R3HDM1: variants seen among roughly 807,000 people sequenced by gnomAD.
R3HDM1 encodes the protein R3H domain containing 1.
In R3HDM1, 46 loss-of-function variants were observed where a neutral mutation model predicts 141.1. The observed-to-expected ratio is 0.33, with a 90% CI of 0.26 to 0.42. The LOEUF is 0.42. Among genes scored for constraint, R3HDM1 ranks in the 10% least tolerant of loss-of-function variants. R3HDM1 has a pLI of 1.00. For missense variants in R3HDM1, 1,184 were observed against 1,368.3 expected, an observed-to-expected ratio of 0.87 and a Z score of 2.12; for synonymous variants, 435 against 472.9, an observed-to-expected ratio of 0.92 and a Z score of 1.04.
At chr2:135,643,815 C>T (rs2064073565) in intron 15 of R3HDM1, among the ~76,000 whole-genome samples, 1 of 152,174 alleles carries the variant, frequency 6.6e-6, no homozygotes, top group Non-Finnish European at 1.5e-5. Context: ...TTCACAGGAA[C>T]ACAGATGGAA....
chr2:135,631,865 C>T lies in R3HDM1; in HGVS notation c.562C>T (p.Pro188Ser). Residue 188 changes from proline (P) to serine (S), a missense_variant, in exon 9 of 27, where the codon CCA becomes TCA. By Grantham distance (74) the Pro-to-Ser change is moderately conservative. Transcript: ENST00000683871. The part of the protein sequence containing the change: ...ILDFIGNNES[P>S]RKKFPPMTSY... ...TGGTTTTTCTTGTGCTTCTAGGTCT[C>T]CACGTAAAAAATTCCCCCCAATGAC... is the stretch of plus-strand genomic sequence containing the variant. The T allele has an allele frequency of 6.2e-7, 1 of 1,605,932 alleles. No individual in the cohort carries two copies. The highest frequency in any genetic ancestry group is 8.5e-7 in the Non-Finnish European group (1 of 1,176,650).
chr2:135,669,410 G>A lies in R3HDM1; in HGVS notation c.2153-5922G>A, dbSNP rs565588540. The A allele has an allele frequency of 1.3e-5, 13 of 983,966 alleles. No homozygotes were observed. The African/African-American group carries it at 1.4e-4, about 11-fold the overall frequency. The allele number at this position is 983,966 out of a possible 1,614,324, so 61.0% of individuals were successfully genotyped here. A position where few individuals can be genotyped will look rare whatever the true frequency, so the allele number is the denominator to read the frequency against. ...CAATAAATCTTTAGTTCAAATGAAC[G>A]AAAAGTTTCCTTGTTGATTGACATT... On this transcript the variant is annotated intron_variant, in intron 19 of 26. Coordinates refer to ENST00000683871, the MANE Select transcript of R3HDM1 (RefSeq NM_001378107.1).
At chr2:135,641,087 C>A (rs1233966592) in intron 14 of R3HDM1, among the ~76,000 whole-genome samples, 3 of 152,152 alleles carry the variant, frequency 2.0e-5, no homozygotes, top group Non-Finnish European at 4.4e-5. Context: ...TCATTTATTT[C>A]TTACACTGAA....
chr2:135,618,022 T>A (rs1043251587), intron 5 of R3HDM1, among the ~76,000 whole-genome samples: 2 of 152,200 alleles, frequency 1.3e-5, no homozygotes, highest in African/African-American at 2.4e-5. Context: ...TATGCACTGT[T>A]TTTGAAAAGC....
rs2070004091 is a variant in R3HDM1, at chr2:135,680,163, C to T, written c.2308-10C>T. On this transcript the variant is annotated splice_polypyrimidine_tract_variant and intron_variant, in intron 20 of 26. Transcript: ENST00000683871. ...ACCTTTTTCTCTTGAAATTGTCTTT[C>T]AAATTTTAGGTTTCACTGCCTCAAG... The T allele has an allele frequency of 6.2e-7, 1 of 1,608,824 alleles. No homozygotes were observed. Among genetic ancestry groups the T allele is most frequent in the South Asian group, 1.1e-5 (1 of 90,590 alleles).
intron 18 of R3HDM1, among the ~76,000 whole-genome samples, chr2:135,660,985 G>A (rs566606255): frequency 6.6e-6 from 1 of 152,186 alleles, no homozygotes; most frequent in South Asian, 2.1e-4. Context: ...AGGAAATAGG[G>A]TGAGTCTTTA....
chr2:135,679,893 A>G (rs2069930050), intron 20 of R3HDM1, among the ~76,000 whole-genome samples: 1 of 152,196 alleles, frequency 6.6e-6, no homozygotes, highest in Non-Finnish European at 1.5e-5. Context: ...CAGCCTGACC[A>G]ACATGGTGAA....
At chr2:135,705,851 C>T (rs1342712995) in intron 21 of R3HDM1, among the ~76,000 whole-genome samples, 1 of 152,020 alleles carries the variant, frequency 6.6e-6, no homozygotes, top group African/African-American at 2.4e-5. Context: ...GAAGAAGGAC[C>T]GGGCACAGTG....
intron 21 of R3HDM1, 125 bp from the exon 22 acceptor site, chr2:135,709,308 C>T (rs1179620539): frequency 9.3e-6 from 12 of 1,288,844 alleles, no homozygotes; most frequent in African/African-American, 3.0e-5. Flanking sequence ...CTCCTGACCT[C>T]GTGATCCGCC....
intron 19 of R3HDM1, chr2:135,667,588 A>G (rs1559386782): frequency 8.7e-6 from 8 of 920,870 alleles, no homozygotes; most frequent in African/African-American, 1.8e-5. Flanking sequence ...TTTTAATTCT[A>G]ATATACTAAA....
chr2:135,699,417 T>A (rs1390894278), intron 21 of R3HDM1, among the ~76,000 whole-genome samples: 1 of 152,002 alleles, frequency 6.6e-6, no homozygotes, highest in East Asian at 1.9e-4. Flanking sequence ...AGTTGTAAGG[T>A]CCCCAGGGAG....
At chr2:135,611,707 C>T (rs1381688422) in intron 3 of R3HDM1, among the ~76,000 whole-genome samples, 9 of 151,968 alleles carry the variant, frequency 5.9e-5, no homozygotes, top group African/African-American at 1.9e-4. Flanking sequence ...ACTTATGATA[C>T]ATTTTCCATA....
rs2059710818 is a variant in R3HDM1, at chr2:135,602,625, G to C, written c.-124G>C. 1 of 1,547,596 alleles carries C rather than the reference G, an allele frequency of 6.5e-7. No homozygotes were observed. The highest frequency in any genetic ancestry group is 1.4e-5 in the African/African-American group (1 of 72,944). ...ATGGTTCACTACAGTTGACATCCTG[G>C]CTGACAACTGTGAAAAAGAACCTTG... On this transcript the variant is annotated 5_prime_UTR_variant, in exon 2 of 27. Coordinates refer to ENST00000683871, the MANE Select transcript of R3HDM1 (RefSeq NM_001378107.1).
chr2:135,724,295 G>T lies in R3HDM1; in HGVS notation c.*3G>T. The T allele has an allele frequency of 2.5e-6, 4 of 1,592,584 alleles. No individual in the cohort carries two copies. The highest frequency in any genetic ancestry group is 3.4e-6 in the Non-Finnish European group (4 of 1,164,282). On this transcript the variant is annotated 3_prime_UTR_variant, in exon 27 of 27. Coordinates refer to ENST00000683871, the MANE Select transcript of R3HDM1 (RefSeq NM_001378107.1). Reference sequence around the variant, plus strand: ...TGGAAAGGGCAAGTTCTCAGTAACAGCCACCTTTGGACCCTTCGCCTTTAT... The same window carrying T: ...TGGAAAGGGCAAGTTCTCAGTAACATCCACCTTTGGACCCTTCGCCTTTAT...
At chr2:135,694,641 T>A (rs570895640) in intron 21 of R3HDM1, among the ~76,000 whole-genome samples, 1 of 152,224 alleles carries the variant, frequency 6.6e-6, no homozygotes, top group African/African-American at 2.4e-5. Flanking sequence ...GCCACAAGAA[T>A]GTTTCCCAGA....
intron 1 of R3HDM1, among the ~76,000 whole-genome samples, chr2:135,557,221 A>G (rs527267891): frequency 6.6e-6 from 1 of 152,098 alleles, no homozygotes; most frequent in South Asian, 2.1e-4. Context: ...TTAAGGAAGT[A>G]TTTTGTTGTT....
At chr2:135,643,111 G>T (rs2063979714) in intron 15 of R3HDM1, among the ~76,000 whole-genome samples, 5 of 152,000 alleles carry the variant, frequency 3.3e-5, no homozygotes, top group African/African-American at 1.2e-4. Context: ...TAATTTAAAT[G>T]AATCAAAAAG....
intron 1 of R3HDM1, chr2:135,559,222 C>G (rs1701362451): frequency 1.1e-5 from 2 of 186,546 alleles, no homozygotes; most frequent in South Asian, 3.7e-4. Flanking sequence ...AGTGATCCTC[C>G]TGTGTCAGCC....
chr2:135,598,235 C>G (rs1231226495), intron 1 of R3HDM1, among the ~76,000 whole-genome samples: 1 of 152,142 alleles, frequency 6.6e-6, no homozygotes, highest in Admixed American at 6.5e-5. Context: ...TGGTACTCAT[C>G]ATCACAGGCG....
Sources: allele counts gnomAD v4.1 joint callset (sites outside exome capture counted in the v4.1 genomes callset), GRCh38; gene constraint gnomAD v4.1.1; transcripts MANE v1.5; gene names NCBI Gene and HGNC (gene_info 2026-07-23, HGNC 2026-07-21).